Variants in NCR1 observed in about 807,000 individuals in gnomAD.
The protein encoded by NCR1 is NK cell-activating receptor.
In NCR1, 30 loss-of-function variants were observed where a neutral mutation model predicts 32.5. The ratio of observed to expected loss-of-function variants is 0.92; its 90% CI spans 0.69 to 1.25. The LOEUF (loss-of-function observed/expected upper bound fraction) is 1.25, where lower values mean the gene tolerates loss of function less well. Among genes scored for constraint, NCR1 ranks in the 50% most tolerant of loss-of-function variants. The pLI, the probability that NCR1 is intolerant of heterozygous loss-of-function variation, is 0.00. For missense variants in NCR1, 369 were observed against 380.7 expected (o/e 0.97, Z 0.26); for synonymous variants, 169 against 143.4 (o/e 1.18, Z -1.28).
At chr19:54,929,943 C>G in the NCR1 span, among the ~76,000 whole-genome samples, 1 of 148,470 alleles carries the variant, frequency 6.7e-6, no homozygotes, top group East Asian at 2.0e-4. Context: ...TGAAACCCAT[C>G]TCTACTAAAA....
At chr19:54,918,984 A>T (rs1165683669), downstream of NCR1, among the ~76,000 whole-genome samples, 9 of 83,318 alleles carry the variant, frequency 1.1e-4, 1 homozygote, top group Admixed American at 3.0e-4. Context: ...AACTGTCTTA[A>T]AAAAAAAAAA....
At chr19:54,922,787 AAAC>A in the NCR1 span, among the ~76,000 whole-genome samples, 10,810 of 71,610 alleles carry the variant, frequency 0.15, 1,067 homozygotes, top group East Asian at 0.46. Context: ...TCAAAAAAAA[AAAC>A]AAAAAAAAAA....
chr19:54,906,981 C>T (rs75529490), intron 3 of NCR1, among the ~76,000 whole-genome samples, 174 bp downstream of exon 3: 2,980 of 152,232 alleles, frequency 0.02, 86 homozygotes, highest in African/African-American at 0.068. Flanking sequence ...CAGACCGTGT[C>T]TCTACGTCCT....
At chr19:54,924,077 C>A in the NCR1 span, among the ~76,000 whole-genome samples, 1 of 152,166 alleles carries the variant, frequency 6.6e-6, no homozygotes, top group Admixed American at 6.6e-5. Context: ...AAGCAATTCT[C>A]ATGCCTCAGG....
rs762758923 is a variant in NCR1 at position 54,909,257 on chromosome 19, C to T, written c.368C>T (p.Thr123Ile). Residue 123 changes from threonine to isoleucine, a missense_variant, in exon 4 of 7, where the codon ACA becomes ATA. By Grantham distance (89) the Thr-to-Ile change is moderately conservative. Coordinates refer to ENST00000291890, the MANE Select transcript of NCR1 (RefSeq NM_004829.7). ...CCTTCTCTCATAGAAATGTATGACA[C>T]ACCCACCCTCTCGGTTCATCCTGGA... ...LDLVVTEMYD[T>I]PTLSVHPGPE... 1.9e-6 allele frequency: 3 copies of T among 1,612,612 alleles called. No individual in the cohort carries two copies.
At chr19:54,915,343 C>T (rs1196185122), downstream of NCR1, among the ~76,000 whole-genome samples, 1 of 152,160 alleles carries the variant, frequency 6.6e-6, no homozygotes, top group African/African-American at 2.4e-5. Flanking sequence ...AGAACTTCTA[C>T]TTATCAACCC....
upstream of NCR1, among the ~76,000 whole-genome samples, chr19:54,903,985 G>T (rs2067385618): frequency 6.6e-6 from 1 of 151,652 alleles, no homozygotes; most frequent in Admixed American, 6.6e-5. Flanking sequence ...AATGAGCTGG[G>T]CGTGGTGTTG....
chr19:54,909,396 G>A lies in NCR1; in HGVS notation c.507G>A (p.Gly169=). 1.2e-6 allele frequency: 2 copies of A among 1,614,016 alleles called. No individual in the cohort carries two copies. The highest frequency in any genetic ancestry group is 2.2e-5 in the East Asian group (1 of 44,874). The change falls in exon 4 of 7, where the codon GGG becomes GGA. Residue 169 remains glycine, a synonymous_variant. Coordinates refer to ENST00000291890, the MANE Select transcript of NCR1 (RefSeq NM_004829.7). ...CCAGCCACGTACAGCGCGGATACGG[G>A]AAGGTCCAGGCGGAGTTCCCCCTGG... The part of the protein sequence containing the change: ...GRSSHVQRGY[G]KVQAEFPLGP...
upstream of NCR1, among the ~76,000 whole-genome samples, chr19:54,902,029 A>G (rs2067310203): frequency 6.6e-6 from 1 of 152,108 alleles, no homozygotes; most frequent in African/African-American, 2.4e-5. Flanking sequence ...CCTAAACCAA[A>G]TATATGTCAC....
chr19:54,928,449 G>A, the NCR1 span, among the ~76,000 whole-genome samples: 50 of 152,220 alleles, frequency 3.3e-4, no homozygotes, highest in East Asian at 9.7e-3. Flanking sequence ...CAGTAGTGAG[G>A]AAAGGCAGAG....
chr19:54,929,287 C>A, the NCR1 span, among the ~76,000 whole-genome samples: 16 of 152,154 alleles, frequency 1.1e-4, no homozygotes, highest in African/African-American at 3.6e-4. Context: ...ATCGCTTGAA[C>A]CTTGGAGGCT....
At position 54,906,218 on chromosome 19, in the gene NCR1, G is replaced by A. The variant is rs1569536348; in HGVS notation, c.31G>A (p.Val11Ile). Reference sequence around the variant, plus strand: ...TTCCACACTCCCTGCCCTGCTCTGCGTCGGTGAGTTCTGGCGTGGAAGGGG... The same window carrying A: ...TTCCACACTCCCTGCCCTGCTCTGCATCGGTGAGTTCTGGCGTGGAAGGGG... MSSTLPALLC[V>I]GLCLSQRISA... Residue 11 changes from valine to isoleucine, a missense_variant, in exon 1 of 7, where the codon GTC becomes ATC. By Grantham distance (29) the Val-to-Ile change is conservative (BLOSUM62 3). Coordinates refer to ENST00000291890, the MANE Select transcript of NCR1 (RefSeq NM_004829.7). 15 of 1,614,176 alleles carry A rather than the reference G, an allele frequency of 9.3e-6. No homozygotes were observed. The highest frequency in any genetic ancestry group is 1.3e-5 in the African/African-American group (1 of 75,040).
upstream of NCR1, among the ~76,000 whole-genome samples, chr19:54,903,833 A>G (rs1198161559): frequency 1.3e-5 from 2 of 151,850 alleles, no homozygotes; most frequent in Non-Finnish European, 2.9e-5. Context: ...ACTTAAAAGA[A>G]ATGTTTCTTG....
chr19:54,930,749 T>A, the NCR1 span: 2 of 1,132,826 alleles, frequency 1.8e-6, no homozygotes, highest in Non-Finnish European at 2.7e-6. Context: ...ACTATATACC[T>A]TCCACTTATA....
chr19:54,930,195 GATGGCTCATGCCTGTA>G, the NCR1 span, among the ~76,000 whole-genome samples: 2 of 151,644 alleles, frequency 1.3e-5, no homozygotes, highest in African/African-American at 2.4e-5. Flanking sequence ...GGCCAGGCAT[GATGGCTCATGCCTGTA>G]ATCCTAGCAC....
the NCR1 span, chr19:54,923,437 C>T: frequency 2.2e-6 from 1 of 457,212 alleles, no homozygotes; most frequent in Admixed American, 3.5e-5. Flanking sequence ...CTTAGCAATA[C>T]TTCCTCCTAG....
chr19:54,905,593 T>C (rs1267342877), upstream of NCR1, among the ~76,000 whole-genome samples: 3 of 152,168 alleles, frequency 2.0e-5, no homozygotes, highest in Non-Finnish European at 4.4e-5. Flanking sequence ...TCCTGTCTAG[T>C]GACCTTGCAG....
At chr19:54,914,831 T>TG (rs757873354), downstream of NCR1, among the ~76,000 whole-genome samples, 6 of 151,582 alleles carry the variant, frequency 4.0e-5, no homozygotes, top group African/African-American at 4.9e-5. Context: ...CCTTCGCCTC[T>TG]GGGGCTCAAG....
the NCR1 span, among the ~76,000 whole-genome samples, chr19:54,934,967 G>A: frequency 1.3e-5 from 2 of 152,112 alleles, no homozygotes; most frequent in African/African-American, 4.8e-5. This position sits in a 1 kb window ranked among gnomAD's most constrained non-coding sequence, Gnocchi z 6.7. Flanking sequence ...GAAGTACTGG[G>A]ATTACAGGTG....
Sources: allele counts gnomAD v4.1 joint callset (sites outside exome capture counted in the v4.1 genomes callset), GRCh38; gene constraint gnomAD v4.1.1; non-coding constraint Gnocchi (gnomAD v3.1); transcripts MANE v1.5; gene names NCBI Gene and HGNC (gene_info 2026-07-23, HGNC 2026-07-21).